CBFA2T2: variants seen among roughly 807,000 people sequenced by gnomAD.
CBFA2T2 encodes CBFA2/RUNX1 partner transcriptional co-repressor 2, also known as protein CBFA2T2.
CBFA2T2 carries 11 observed loss-of-function variants against 62.2 expected under a neutral mutation model. The observed-to-expected ratio is 0.18, with a 90% CI of 0.11 to 0.29. The LOEUF (loss-of-function observed/expected upper bound fraction) is 0.29, where lower values mean the gene tolerates loss of function less well. Among genes scored for constraint, CBFA2T2 ranks in the 10% least tolerant of loss-of-function variants. CBFA2T2 has a pLI of 1.00. For synonymous variants in CBFA2T2, 295 were observed against 287.5 expected, an observed-to-expected ratio of 1.03 and a Z score of -0.27; for missense variants, 592 against 774.1, an observed-to-expected ratio of 0.76 and a Z score of 2.79.
chr20:33,640,589 C>A, intron 10 of CBFA2T2, 58 bp downstream of exon 10: 2 of 1,511,274 alleles, frequency 1.3e-6, no homozygotes, highest in Non-Finnish European at 1.8e-6. Context: ...ACGCCCGCTG[C>A]CTTCCTCTCA....
intron 8 of CBFA2T2, among the ~76,000 whole-genome samples, chr20:33,634,436 C>CAG (rs2016556516): frequency 6.6e-6 from 1 of 152,052 alleles, no homozygotes; most frequent in Non-Finnish European, 1.5e-5. Context: ...CTTTGAGAGG[C>CAG]AGAGGCTGGC....
intron 8 of CBFA2T2, among the ~76,000 whole-genome samples, chr20:33,635,703 T>C (rs1216994275): frequency 1.3e-5 from 2 of 152,064 alleles, no homozygotes; most frequent in Non-Finnish European, 2.9e-5. Flanking sequence ...TGAAACCCTG[T>C]CTGTGCAAAA....
At chr20:33,551,496 G>A (rs1045807911) in intron 1 of CBFA2T2, among the ~76,000 whole-genome samples, 2 of 152,120 alleles carry the variant, frequency 1.3e-5, no homozygotes, top group South Asian at 4.2e-4. Flanking sequence ...GATTACAGGT[G>A]TGAGCCACCA....
intron 1 of CBFA2T2, among the ~76,000 whole-genome samples, chr20:33,536,224 C>T (rs1259933082): frequency 2.0e-5 from 3 of 151,908 alleles, no homozygotes; most frequent in Non-Finnish European, 4.4e-5. Flanking sequence ...CAGAGGGGCT[C>T]CTCACATCCC....
At chr20:33,625,210 A>G (rs2016177616) in intron 6 of CBFA2T2, among the ~76,000 whole-genome samples, 193 bp downstream of exon 6, 1 of 152,062 alleles carries the variant, frequency 6.6e-6, no homozygotes, top group Non-Finnish European at 1.5e-5. Flanking sequence ...ATGATATGAT[A>G]GAAGTACAGC....
At chr20:33,619,642 A>G (rs1432317260) in intron 4 of CBFA2T2, 36 bp downstream of exon 4, 1 of 1,398,276 alleles carries the variant, frequency 7.2e-7, no homozygotes, top group South Asian at 1.2e-5. Context: ...TTTATCTTGA[A>G]TATTTCCTCA....
chr20:33,517,896 G>A (rs962227273), intron 1 of CBFA2T2, among the ~76,000 whole-genome samples: 1 of 151,698 alleles, frequency 6.6e-6, no homozygotes, highest in African/African-American at 2.4e-5. Context: ...CACCCGCCTC[G>A]GCCTCCTAAA....
intron 1 of CBFA2T2, among the ~76,000 whole-genome samples, chr20:33,509,055 G>A (rs1337612597): frequency 2.0e-5 from 3 of 152,136 alleles, no homozygotes; most frequent in African/African-American, 7.2e-5. Flanking sequence ...GATAATTCAT[G>A]CCAGTTAAAT....
At chr20:33,556,126 C>G (rs1166947627) in intron 1 of CBFA2T2, among the ~76,000 whole-genome samples, 1 of 152,200 alleles carries the variant, frequency 6.6e-6, no homozygotes, top group Non-Finnish European at 1.5e-5. Context: ...CTTGGCCTCC[C>G]AAAGTTTTGG....
intron 1 of CBFA2T2, among the ~76,000 whole-genome samples, chr20:33,602,869 A>C (rs2015191933): frequency 6.6e-6 from 1 of 152,148 alleles, no homozygotes; most frequent in Admixed American, 6.5e-5. Context: ...ATTAACTAAT[A>C]ATCAGGGTTA....
chr20:33,602,200 C>G (rs2015166117), intron 1 of CBFA2T2, among the ~76,000 whole-genome samples: 1 of 151,816 alleles, frequency 6.6e-6, no homozygotes, highest in Admixed American at 6.6e-5. Flanking sequence ...ATTATGGTAC[C>G]CTTCATATAA....
chr20:33,587,254 T>A (rs1050678075), intron 1 of CBFA2T2, among the ~76,000 whole-genome samples: 1 of 144,426 alleles, frequency 6.9e-6, no homozygotes, highest in African/African-American at 2.5e-5. Flanking sequence ...TTGTTTTTTA[T>A]TTTTTTGTTT....
chr20:33,537,750 C>T (rs1358263637), intron 1 of CBFA2T2, among the ~76,000 whole-genome samples: 1 of 152,116 alleles, frequency 6.6e-6, no homozygotes, highest in Non-Finnish European at 1.5e-5. Context: ...GTTGAAAGGA[C>T]TATCATTCCT....
intron 1 of CBFA2T2, among the ~76,000 whole-genome samples, chr20:33,543,952 C>T (rs73119150): frequency 0.04 from 6,093 of 152,224 alleles, 172 homozygotes; most frequent in Middle Eastern, 0.068. Flanking sequence ...CAAGTAACAT[C>T]TTACCTTTAC....
intron 1 of CBFA2T2, among the ~76,000 whole-genome samples, chr20:33,536,397 C>T (rs1381872492): frequency 4.0e-4 from 61 of 150,782 alleles, no homozygotes; most frequent in African/African-American, 1.4e-3. Context: ...CCCCTCACCT[C>T]CCGGACAGGG....
At position 33,551,685 on chromosome 20, in the gene CBFA2T2, C is replaced by A. The variant is rs185915011; in HGVS notation, c.35-55271C>A. Among the ~76,000 whole-genome samples, 80 of 151,862 alleles carry A rather than the reference C, an allele frequency of 5.3e-4. No individual in the cohort carries two copies. In the Middle Eastern group the frequency reaches 0.021, roughly 39 times the overall value. On this transcript the variant is annotated intron_variant, in intron 1 of 10. Coordinates refer to ENST00000342704, the MANE Select transcript of CBFA2T2 (RefSeq NM_001032999.3). ...TAGCTGGGATTACAGGCGTGTGTCACCACGCCCGGCTAATTTTTGTATTTT... is the reference window on the plus strand; with the variant it reads ...TAGCTGGGATTACAGGCGTGTGTCAACACGCCCGGCTAATTTTTGTATTTT...
chr20:33,613,789 A>T (rs1489898073), intron 3 of CBFA2T2, among the ~76,000 whole-genome samples: 2 of 152,208 alleles, frequency 1.3e-5, no homozygotes, highest in Non-Finnish European at 2.9e-5. Context: ...ATCTTACTGG[A>T]TCCAGAGTAA....
chr20:33,543,961 A>G lies in CBFA2T2; in HGVS notation c.34+53660A>G, dbSNP rs77536818. Among the ~76,000 whole-genome samples, 71 of 152,128 alleles carry G rather than the reference A, an allele frequency of 4.7e-4. No individual in the cohort carries two copies. In the East Asian group the frequency reaches 0.013, roughly 28 times the overall value. ...AGAATCCAAGTAACATCTTACCTTTACCCCTTCCATTCTTGTCCATACCAC... is the reference window on the plus strand; with the variant it reads ...AGAATCCAAGTAACATCTTACCTTTGCCCCTTCCATTCTTGTCCATACCAC... On this transcript the variant is annotated intron_variant, in intron 1 of 10. Coordinates refer to ENST00000342704, the MANE Select transcript of CBFA2T2 (RefSeq NM_001032999.3).
chr20:33,635,294 C>G (rs1007398984), intron 8 of CBFA2T2, among the ~76,000 whole-genome samples: 5 of 152,144 alleles, frequency 3.3e-5, no homozygotes, highest in African/African-American at 9.7e-5. Flanking sequence ...TCCTGCCTAC[C>G]CTTTCTCCAC....
Sources: allele counts gnomAD v4.1 joint callset (sites outside exome capture counted in the v4.1 genomes callset), GRCh38; gene constraint gnomAD v4.1.1; transcripts MANE v1.5; gene names NCBI Gene and HGNC (gene_info 2026-07-23, HGNC 2026-07-21).